Variants in DCX observed in about 807,000 individuals in gnomAD.
DCX encodes the protein neuronal migration protein doublecortin.
A neutral mutation model predicts 20.9 loss-of-function variants in DCX; 4 were observed. The observed-to-expected ratio is 0.19, with a 90% confidence interval of 0.09 to 0.44. The LOEUF (loss-of-function observed/expected upper bound fraction) is 0.44. Ranked by LOEUF, DCX falls within the 20% of genes least tolerant of loss-of-function variation. The pLI is 0.99. For missense variants in DCX, 133 were observed against 296.9 expected (o/e 0.45, Z 4.06); for synonymous variants, 103 against 111.4 (o/e 0.92, Z 0.47).
intron 4 of DCX, 80 bp downstream of exon 4, chrX:111,332,971 C>T: frequency 4.0e-6 from 3 of 751,876 alleles, no homozygotes; most frequent in Non-Finnish European, 6.1e-6. Context: ...ATGTTTTCCA[C>T]ACCATACAAA....
chrX:111,318,826 GA>G (rs1303278369), intron 5 of DCX, among the ~76,000 whole-genome samples: 2 of 110,988 alleles, frequency 1.8e-5, no homozygotes, highest in Non-Finnish European at 3.8e-5. Flanking sequence ...GAGAGGATCA[GA>G]AAAGCTACCT....
intron 3 of DCX, among the ~76,000 whole-genome samples, chrX:111,363,932 A>G (rs1924408908): frequency 8.9e-6 from 1 of 111,789 alleles, no homozygotes; most frequent in Non-Finnish European, 1.9e-5. Flanking sequence ...GCTGCCTTTC[A>G]TGGTCCTTTA....
rs781313437 is a variant in DCX at position 111,349,069 on chromosome X, C to A, written c.706-15916G>T. On this transcript the variant is annotated intron_variant, in intron 3 of 6. Transcript: ENST00000636035. ...AGAGAATTTGATGAAAGCTGTAGGTCTTCTCCCTAGAAAAAATGCATATAT... is the reference window on the plus strand; with the variant it reads ...AGAGAATTTGATGAAAGCTGTAGGTATTCTCCCTAGAAAAAATGCATATAT... 3.6e-5 allele frequency among the ~76,000 whole-genome samples: 4 copies of A among 110,817 alleles called. No homozygotes were observed. The East Asian group carries it at 1.1e-3, about 32-fold the overall frequency.
chrX:111,333,253 T>A, intron 3 of DCX, 100 bp from the exon 4 acceptor site: 1 of 624,858 alleles, frequency 1.6e-6, no homozygotes. Flanking sequence ...TAGGCCATCA[T>A]CTTCAGCTCC....
chrX:111,307,918 G>A (rs1268172560), intron 6 of DCX, among the ~76,000 whole-genome samples: 1 of 111,582 alleles, frequency 9.0e-6, no homozygotes, highest in Non-Finnish European at 1.9e-5. Context: ...GTAGAATCCT[G>A]AAGAGATTTC....
chrX:111,387,814 C>T (rs1045032337), intron 3 of DCX, among the ~76,000 whole-genome samples: 1 of 111,612 alleles, frequency 9.0e-6, no homozygotes, highest in Non-Finnish European at 1.9e-5. Flanking sequence ...TGGTCTCTGG[C>T]TCAAAACCTC....
intron 5 of DCX, among the ~76,000 whole-genome samples, chrX:111,315,252 T>A (rs2095067533): frequency 1.1e-5 from 1 of 95,177 alleles, no homozygotes; most frequent in South Asian, 5.4e-4. Flanking sequence ...AACAACCCCA[T>A]CAAAAAGTGG....
intron 3 of DCX, among the ~76,000 whole-genome samples, chrX:111,393,967 C>T (rs958411878): frequency 4.9e-4 from 55 of 111,600 alleles, no homozygotes; most frequent in African/African-American, 1.6e-3. Context: ...ACACACTATA[C>T]AGCCCAGCAA....
At chrX:111,311,281 G>C (rs918195788) in intron 6 of DCX, among the ~76,000 whole-genome samples, 1 of 112,203 alleles carries the variant, frequency 8.9e-6, no homozygotes, top group Admixed American at 9.4e-5. Flanking sequence ...GTTCTGGAAG[G>C]TTCAATAGCA....
chrX:111,333,220 G>A lies in DCX; in HGVS notation c.706-67C>T, dbSNP rs61519941. The A allele has an allele frequency of 3.7e-4, 324 of 871,778 alleles. 1 individual carries two copies. The African/African-American group carries it at 5.6e-3, about 15-fold the overall frequency. The allele number at this position is 871,778 out of a possible 1,213,427, so 71.8% of individuals were successfully genotyped here. A position where few individuals can be genotyped will look rare whatever the true frequency, so the allele number is the denominator to read the frequency against. The stretch of plus-strand genomic sequence containing the variant: ...GTGACAATGAACCTCACACTACACT[G>A]ACAAGGAGAAAAGCTTCCCATCTAG... On this transcript the variant is annotated intron_variant, in intron 3 of 6. Transcript: ENST00000636035.
chrX:111,305,396 A>G (rs1173593227), intron 6 of DCX, among the ~76,000 whole-genome samples: 1 of 112,081 alleles, frequency 8.9e-6, no homozygotes, highest in African/African-American at 3.2e-5. Context: ...TAGTTACTAT[A>G]GTGAAACAAA....
At chrX:111,326,396 C>T (rs1329109358) in intron 5 of DCX, among the ~76,000 whole-genome samples, 1 of 111,833 alleles carries the variant, frequency 8.9e-6, no homozygotes, top group Non-Finnish European at 1.9e-5. Flanking sequence ...GGAAAATTAA[C>T]ACATTAATGG....
intron 5 of DCX, among the ~76,000 whole-genome samples, chrX:111,323,138 G>A (rs1011937755): frequency 1.8e-5 from 2 of 111,455 alleles, no homozygotes; most frequent in African/African-American, 3.3e-5. Context: ...GCTGACTGCT[G>A]GTTTTCCTGG....
chrX:111,393,949 A>C (rs2147252583), intron 3 of DCX, among the ~76,000 whole-genome samples: 1 of 111,730 alleles, frequency 9.0e-6, no homozygotes, highest in African/African-American at 3.2e-5. Context: ...AGTTTCATAA[A>C]ATTTTAAACA....
chrX:111,406,953 T>C (rs956461449), intron 2 of DCX, among the ~76,000 whole-genome samples: 1 of 112,361 alleles, frequency 8.9e-6, no homozygotes, highest in Non-Finnish European at 1.9e-5. Context: ...TATACCTTAA[T>C]ACAGTTGTTT....
rs899518385 is a variant in DCX at position 111,331,062 on chromosome X, C to G, written c.809-21G>C. The G allele has an allele frequency of 4.1e-6, 5 of 1,207,227 alleles. No individual in the cohort carries two copies. In the Admixed American group the frequency reaches 8.8e-5, roughly 21 times the overall value. On this transcript the variant is annotated intron_variant, in intron 4 of 6. Coordinates refer to ENST00000636035, the MANE Select transcript of DCX (RefSeq NM_001195553.2). ...GCATTCTGGGGCAAAAGGACACAGA[C>G]AGCTTAGTAGAGGATAAAACAGGCT...
chrX:111,305,534 C>T (rs2095043298), intron 6 of DCX, among the ~76,000 whole-genome samples: 1 of 110,467 alleles, frequency 9.1e-6, no homozygotes, highest in African/African-American at 3.3e-5. Context: ...TATTTTGTAT[C>T]CTGTAACCTA....
At chrX:111,331,585 T>C (rs1232445537) in intron 4 of DCX, among the ~76,000 whole-genome samples, 1 of 112,131 alleles carries the variant, frequency 8.9e-6, no homozygotes, top group Admixed American at 9.4e-5. Context: ...TTCTTTTCGA[T>C]TTCCCATGTA....
chrX:111,349,568 A>T (rs914058390), intron 3 of DCX, among the ~76,000 whole-genome samples: 1 of 111,645 alleles, frequency 9.0e-6, no homozygotes, highest in Non-Finnish European at 1.9e-5. Flanking sequence ...AGGACAGGAA[A>T]AAAAAAGCAT....
Sources: gnomAD v4.1 joint callset for allele counts (sites outside exome capture counted in the v4.1 genomes callset) on GRCh38, gnomAD v4.1.1 for gene constraint, MANE v1.5 for transcripts, NCBI Gene and HGNC (gene_info 2026-07-23, HGNC 2026-07-21) for gene names.